NTM: variants seen among roughly 807,000 people sequenced by gnomAD.
The protein encoded by NTM is IgLON family member 2.
In NTM, 13 loss-of-function variants were observed where a neutral mutation model predicts 42.1. That is an observed-to-expected ratio of 0.31 (90% CI 0.20 to 0.49). The LOEUF is 0.49. NTM is among the 20% of genes least tolerant of loss of function. The pLI, the probability that NTM is intolerant of heterozygous loss-of-function variation, is 0.99. For missense variants in NTM, 373 were observed against 452.8 expected (o/e 0.82, Z 1.60); for synonymous variants, 187 against 179.2 (o/e 1.04, Z -0.35).
intron 4 of NTM, among the ~76,000 whole-genome samples, chr11:132,295,684 G>A (rs1361131525): frequency 6.6e-6 from 1 of 152,162 alleles, no homozygotes; most frequent in Non-Finnish European, 1.5e-5. Context: ...AACTTCACTG[G>A]TGTGTCCAGT....
intron 1 of NTM, among the ~76,000 whole-genome samples, chr11:131,852,573 T>C (rs2045671229): frequency 6.6e-6 from 1 of 152,184 alleles, no homozygotes; most frequent in South Asian, 2.1e-4. Flanking sequence ...CATGGTCACC[T>C]GGCAGATGCT....
intron 4 of NTM, among the ~76,000 whole-genome samples, chr11:132,272,254 C>G (rs1427124516): frequency 1.3e-5 from 2 of 152,026 alleles, no homozygotes; most frequent in Non-Finnish European, 2.9e-5. Flanking sequence ...CTCCTTATGC[C>G]AGTATCACAG....
chr11:131,874,030 A>ATATATATATTTATATAT (rs1555162935), intron 1 of NTM, among the ~76,000 whole-genome samples: 1 of 76,638 alleles, frequency 1.3e-5, no homozygotes, highest in Non-Finnish European at 2.9e-5. Flanking sequence ...AATATAATAT[A>ATATATATATTTATATAT]ATATATATAT....
chr11:131,841,087 C>T (rs1434079916), intron 1 of NTM, among the ~76,000 whole-genome samples: 2 of 152,176 alleles, frequency 1.3e-5, no homozygotes, highest in Non-Finnish European at 2.9e-5. Flanking sequence ...ATTTTTAAGA[C>T]ATTTTATAGG....
chr11:131,380,415 T>A (rs563952738), intron 1 of NTM, among the ~76,000 whole-genome samples: 1 of 152,220 alleles, frequency 6.6e-6, no homozygotes, highest in African/African-American at 2.4e-5. Flanking sequence ...TTCTCCATGT[T>A]GGTCAGGCTG....
chr11:132,210,872 T>A (rs535742235), intron 3 of NTM, among the ~76,000 whole-genome samples: 2 of 152,214 alleles, frequency 1.3e-5, no homozygotes, highest in African/African-American at 4.8e-5. Flanking sequence ...CCAAAGGAAG[T>A]AGACATCCTG....
At chr11:131,551,000 T>C (rs1289091113) in intron 1 of NTM, among the ~76,000 whole-genome samples, 1 of 151,628 alleles carries the variant, frequency 6.6e-6, no homozygotes, top group Non-Finnish European at 1.5e-5. Context: ...ACCATTTGCA[T>C]TTAATTTTTT....
intron 1 of NTM, among the ~76,000 whole-genome samples, chr11:131,632,232 G>T (rs951666763): frequency 6.6e-6 from 1 of 152,110 alleles, no homozygotes; most frequent in South Asian, 2.1e-4. Context: ...CTCCCTAATT[G>T]CTTGAGTCAT....
intron 3 of NTM, among the ~76,000 whole-genome samples, chr11:132,178,132 C>T (rs933331653): frequency 2.0e-5 from 3 of 152,090 alleles, no homozygotes. Context: ...TCTTAGATAA[C>T]GTGAAGTCCA....
At chr11:131,684,248 T>C (rs2658845) in intron 1 of NTM, among the ~76,000 whole-genome samples, 43,572 of 151,988 alleles carry the variant, frequency 0.29, 6,869 homozygotes, top group African/African-American at 0.41. Flanking sequence ...CTGACGACAG[T>C]GACTCTCTCT....
chr11:131,667,305 T>C (rs1340028460), intron 1 of NTM, among the ~76,000 whole-genome samples: 1 of 152,166 alleles, frequency 6.6e-6, no homozygotes, highest in African/African-American at 2.4e-5. Flanking sequence ...TAGTCCTTAC[T>C]CCTTCTGCCT....
chr11:132,156,994 C>T (rs1181988799), intron 3 of NTM, among the ~76,000 whole-genome samples: 1 of 152,200 alleles, frequency 6.6e-6, no homozygotes, highest in Non-Finnish European at 1.5e-5. Flanking sequence ...CCAAAGAATG[C>T]CCATAGCCAG....
At chr11:132,092,202 A>T (rs951710072) in intron 2 of NTM, among the ~76,000 whole-genome samples, 28 of 152,200 alleles carry the variant, frequency 1.8e-4, no homozygotes, top group Admixed American at 1.6e-3. Context: ...TCATATTTAA[A>T]ATCATTGATT....
chr11:131,773,964 A>C (rs890238784), intron 1 of NTM: 2 of 976,920 alleles, frequency 2.0e-6, no homozygotes, highest in South Asian at 4.7e-5. Context: ...GCCCAAATCC[A>C]ATAGTGTTAA....
intron 1 of NTM, among the ~76,000 whole-genome samples, chr11:131,759,610 A>G (rs963367557): frequency 5.9e-5 from 9 of 152,116 alleles, no homozygotes; most frequent in African/African-American, 1.9e-4. Context: ...ACACACTTGT[A>G]AGAGGTTAGA....
chr11:132,167,108 T>C (rs553503585), intron 3 of NTM, among the ~76,000 whole-genome samples: 20 of 152,384 alleles, frequency 1.3e-4, no homozygotes, highest in Admixed American at 3.9e-4. Context: ...TATTCATTCA[T>C]TCAATAAAAA....
At chr11:131,581,812 C>G (rs1273117723) in intron 1 of NTM, among the ~76,000 whole-genome samples, 1 of 152,094 alleles carries the variant, frequency 6.6e-6, no homozygotes, top group East Asian at 1.9e-4. Context: ...CTTATGAAAC[C>G]CAGCACTTGC....
At chr11:131,389,615 A>G (rs1943760961) in intron 1 of NTM, among the ~76,000 whole-genome samples, 1 of 152,196 alleles carries the variant, frequency 6.6e-6, no homozygotes, top group African/African-American at 2.4e-5. Context: ...ATGACTGGAA[A>G]AGCAGTTTTC....
intron 1 of NTM, among the ~76,000 whole-genome samples, chr11:131,431,136 C>G (rs1411005616): frequency 6.6e-6 from 1 of 152,136 alleles, no homozygotes; most frequent in Non-Finnish European, 1.5e-5. Flanking sequence ...TTTTTATAGC[C>G]ACCCTTCAGC....
Sources: gnomAD v4.1 joint callset for allele counts (sites outside exome capture counted in the v4.1 genomes callset) on GRCh38, gnomAD v4.1.1 for gene constraint, MANE v1.5 for transcripts, NCBI Gene and HGNC (gene_info 2026-07-23, HGNC 2026-07-21) for gene names.